Variants in STXBP5 observed in about 807,000 individuals in gnomAD.
STXBP5 encodes syntaxin-binding protein 5.
Under a neutral mutation model 152.4 loss-of-function variants are expected in STXBP5, and 50 were observed. The observed-to-expected ratio is 0.33, with a 90% CI of 0.26 to 0.42. The LOEUF is 0.42. Ranked by LOEUF, STXBP5 falls within the 10% of genes least tolerant of loss-of-function variation. The probability of loss-of-function intolerance (pLI) is 1.00; values close to 1 mark genes in which losing one functional copy is unlikely to be tolerated. For synonymous variants in STXBP5, 492 were observed against 494.7 expected, an observed-to-expected ratio of 0.99 and a Z score of 0.07; for missense variants, 1,167 against 1,388.6, an observed-to-expected ratio of 0.84 and a Z score of 2.54.
chr6:147,211,031 A>G (rs1262510057), intron 2 of STXBP5, among the ~76,000 whole-genome samples: 2 of 152,160 alleles, frequency 1.3e-5, no homozygotes, highest in Non-Finnish European at 2.9e-5. Flanking sequence ...GGTTGTGTTC[A>G]GCCTGGCACA....
At chr6:147,258,441 T>A (rs1779485167) in intron 4 of STXBP5, among the ~76,000 whole-genome samples, 1 of 152,178 alleles carries the variant, frequency 6.6e-6, no homozygotes, top group South Asian at 2.1e-4. Context: ...TTTTTTGTTT[T>A]TTGTTTTTTT....
chr6:147,288,524 C>A (rs1294957829), intron 8 of STXBP5, among the ~76,000 whole-genome samples: 1 of 152,110 alleles, frequency 6.6e-6, no homozygotes, highest in Non-Finnish European at 1.5e-5. Flanking sequence ...TTGTTAGTGG[C>A]TTGGTCATTC....
At chr6:147,367,960 TG>T (rs1785369888) in intron 25 of STXBP5, among the ~76,000 whole-genome samples, 1 of 151,524 alleles carries the variant, frequency 6.6e-6, no homozygotes, top group African/African-American at 2.4e-5. Context: ...CAAGCCTCAC[TG>T]AAAAAAAAAT....
chr6:147,285,285 A>G (rs1780904533), intron 8 of STXBP5, among the ~76,000 whole-genome samples: 2 of 152,218 alleles, frequency 1.3e-5, no homozygotes, highest in South Asian at 2.1e-4. Flanking sequence ...AATGACACCT[A>G]GTGGTGAAAT....
chr6:147,363,336 T>G lies in STXBP5; in HGVS notation c.2547T>G (p.Gly849=). Residue 849 remains glycine (G), a splice_region_variant and synonymous_variant, in exon 24 of 28, where the codon GGT becomes GGG. Transcript: ENST00000321680. ...ATTTACTAGACTTCTATATTTTAGGTACTATATTGAGGTTAAAAGGTGCAA... is the reference window on the plus strand; with the variant it reads ...ATTTACTAGACTTCTATATTTTAGGGACTATATTGAGGTTAAAAGGTGCAA... The part of the protein sequence containing the change: ...LLQPVIVSPS[G]TILRLKGAIL... The G allele has an allele frequency of 6.4e-7, 1 of 1,570,242 alleles. No individual in the cohort carries two copies. The highest frequency in any genetic ancestry group is 8.6e-7 in the Non-Finnish European group (1 of 1,163,690).
intron 2 of STXBP5, among the ~76,000 whole-genome samples, chr6:147,211,572 G>A (rs1776856146): frequency 6.6e-6 from 1 of 152,038 alleles, no homozygotes; most frequent in Non-Finnish European, 1.5e-5. Flanking sequence ...AATTAGTTTA[G>A]AATTTAGCCA....
intron 22 of STXBP5, among the ~76,000 whole-genome samples, chr6:147,355,031 C>T (rs996211791): frequency 1.3e-5 from 2 of 152,102 alleles, no homozygotes; most frequent in Non-Finnish European, 2.9e-5. Flanking sequence ...TTGTGCAGCT[C>T]CAGAAGCTTC....
rs1400299627 is a variant in STXBP5 at position 147,314,008 on chromosome 6, A to C, written c.1270A>C (p.Lys424Gln). 4 of 1,593,112 alleles carry C rather than the reference A, an allele frequency of 2.5e-6. No homozygotes were observed. Among genetic ancestry groups the C allele is most frequent in the Non-Finnish European group, 3.4e-6 (4 of 1,167,016 alleles). ...ACTTTATTCTGTTGGAGCTAGACAGAAACGTCAAGGTTACAGCAAAAAGGT... is the reference window on the plus strand; with the variant it reads ...ACTTTATTCTGTTGGAGCTAGACAGCAACGTCAAGGTTACAGCAAAAAGGT... Reference protein sequence around the residue: ...PALYSVGARQKRQGYSKKEWP... With the variant: ...PALYSVGARQQRQGYSKKEWP... The change falls in exon 12 of 28, where the codon AAA becomes CAA. Residue 424 changes from lysine (K) to glutamine (Q), a missense_variant. Physicochemically the swap from Lys to Gln is moderately conservative, Grantham distance 53. Transcript: ENST00000321680.
Position 147,363,391 on chromosome 6 carries a change from G to A in STXBP5, c.2602G>A (p.Gly868Ser). 1 of 1,613,386 alleles carries A rather than the reference G, an allele frequency of 6.2e-7. No homozygotes were observed. The highest frequency in any genetic ancestry group is 1.1e-5 in the South Asian group (1 of 90,922). The stretch of plus-strand genomic sequence containing the variant: ...GAGAATGGCATTTCTGGATACCACA[G>A]GCTGCTTAATACCACCTGCGTATGA... ...ILRMAFLDTT[G>S]CLIPPAYEPW... The change falls in exon 24 of 28, where the codon GGC becomes AGC. Residue 868 changes from glycine (G) to serine (S), a missense_variant. Around this residue, in one of 3 missense-constraint regions of STXBP5, gnomAD observed 833 missense variants for 986.3 expected, o/e 0.84. Transcript: ENST00000321680.
At chr6:147,327,057 T>G in intron 17 of STXBP5, 68 bp from the exon 18 acceptor site, 1 of 1,443,844 alleles carries the variant, frequency 6.9e-7, no homozygotes, top group Non-Finnish European at 9.5e-7. Context: ...TTCAGCCTTA[T>G]AGACTGTAGT....
At position 147,249,438 on chromosome 6, in the gene STXBP5, A is replaced by C. The variant is rs1242184558; in HGVS notation, c.431+10168A>C. Among the ~76,000 whole-genome samples, 6 of 152,330 alleles carry C rather than the reference A, an allele frequency of 3.9e-5. No homozygotes were observed. In the East Asian group the frequency reaches 1.2e-3, roughly 29 times the overall value. ...AGCTGTTTGTAGGACTCAGTACTTA[A>C]GTCTCTTGCTAGGGAGAGGCTGGAG... On this transcript the variant is annotated intron_variant, in intron 4 of 27. Coordinates refer to ENST00000321680, the MANE Select transcript of STXBP5 (RefSeq NM_001127715.4).
chr6:147,284,033 A>T (rs772393208), intron 8 of STXBP5, among the ~76,000 whole-genome samples: 5 of 152,262 alleles, frequency 3.3e-5, no homozygotes, highest in Non-Finnish European at 7.3e-5. Flanking sequence ...TAATTTTAAT[A>T]ACATATTCTT....
intron 21 of STXBP5, among the ~76,000 whole-genome samples, chr6:147,347,038 G>C (rs114739419): frequency 6.6e-6 from 1 of 152,068 alleles, no homozygotes; most frequent in East Asian, 1.9e-4. Flanking sequence ...CTGGGTTGCT[G>C]GCATGACTGG....
At chr6:147,241,036 G>A (rs1381485756) in intron 4 of STXBP5, among the ~76,000 whole-genome samples, 1 of 152,100 alleles carries the variant, frequency 6.6e-6, no homozygotes, top group African/African-American at 2.4e-5. Flanking sequence ...AACTCTTACT[G>A]TATTATGATA....
intron 25 of STXBP5, among the ~76,000 whole-genome samples, chr6:147,367,131 C>A (rs1399637011): frequency 6.6e-6 from 1 of 152,156 alleles, no homozygotes; most frequent in Non-Finnish European, 1.5e-5. Flanking sequence ...TAAAATCAAA[C>A]TTCTAAAGAT....
chr6:147,288,060 C>T (rs61120449), intron 8 of STXBP5, among the ~76,000 whole-genome samples: 7,859 of 152,046 alleles, frequency 0.052, 252 homozygotes, highest in African/African-American at 0.066. Flanking sequence ...CCTTTTAGAC[C>T]GCCATGAATG....
chr6:147,231,694 A>G (rs902537631), intron 2 of STXBP5, among the ~76,000 whole-genome samples: 34 of 152,010 alleles, frequency 2.2e-4, no homozygotes, highest in African/African-American at 7.7e-4. Flanking sequence ...AAGAATGTTC[A>G]GTGTATAATC....
At chr6:147,338,887 GT>G (rs201971768) in intron 19 of STXBP5, among the ~76,000 whole-genome samples, 75 of 151,248 alleles carry the variant, frequency 5.0e-4, no homozygotes, top group Non-Finnish European at 4.3e-4. Flanking sequence ...ACTATTTATA[GT>G]TTTTTTTAAT....
chr6:147,310,321 AC>A, intron 10 of STXBP5, 83 bp downstream of exon 10: 1 of 1,097,980 alleles, frequency 9.1e-7, no homozygotes, highest in Non-Finnish European at 1.2e-6. Context: ...TTTAGATAAA[AC>A]TACTCATCCT....
Sources: allele counts gnomAD v4.1 joint callset (sites outside exome capture counted in the v4.1 genomes callset), GRCh38; gene constraint gnomAD v4.1.1; regional missense constraint gnomAD v4.1.1; transcripts MANE v1.5; gene names NCBI Gene and HGNC (gene_info 2026-07-23, HGNC 2026-07-21).